GPR26: variants seen among roughly 807,000 people sequenced by gnomAD.
The protein encoded by GPR26 is G protein-coupled receptor 26.
A neutral mutation model predicts 23.1 loss-of-function variants in GPR26; 15 were observed. The ratio of observed to expected loss-of-function variants is 0.65; its 90% confidence interval spans 0.43 to 1.00. The LOEUF (loss-of-function observed/expected upper bound fraction) is 1.00. GPR26 is among the 50% of genes least tolerant of loss of function. The pLI, the probability that GPR26 is intolerant of heterozygous loss-of-function variation, is 0.00. For missense variants in GPR26, 359 were observed against 470.5 expected, an observed-to-expected ratio of 0.76 and a Z score of 2.19; for synonymous variants, 228 against 222.1, an observed-to-expected ratio of 1.03 and a Z score of -0.24.
rs1284396850 is a variant in GPR26 at position 123,692,005 on chromosome 10, C to G, written c.*3845C>G. On this transcript the variant is annotated 3_prime_UTR_variant, in exon 3 of 3. Transcript: ENST00000284674. The stretch of plus-strand genomic sequence containing the variant: ...TTGTCTTGTATCTTTCCCTAATTCT[C>G]CAAACAGTTCAATCTCCAGCTTTAT... 6.6e-6 allele frequency: 1 copy of G among 152,210 alleles called. No homozygotes were observed. The highest frequency in any genetic ancestry group is 1.5e-5 in the Non-Finnish European group (1 of 68,044). The allele number at this position is 152,210 out of a possible 1,614,324, so 9.4% of individuals were successfully genotyped here.
In GPR26 at chr10:123,666,644, C is replaced by A; in HGVS notation, c.237C>A (p.Cys79Ter). Reference sequence around the variant, plus strand: ...GGCAGCCGGCGGGCGACCGCCTGTGCCGCCTGGCTGCCTTCCTCGACACCT... The same window carrying A: ...GGCAGCCGGCGGGCGACCGCCTGTGACGCCTGGCTGCCTTCCTCGACACCT... ...AQRQPAGDRL[C>*]RLAAFLDTFL... The change falls in exon 1 of 3, where the codon TGC (cysteine) becomes TGA (stop). Residue 79 changes from cysteine to a stop codon, truncating the protein, a stop_gained. Coordinates refer to ENST00000284674, the MANE Select transcript of GPR26 (RefSeq NM_153442.4). LOFTEE classifies it high-confidence loss of function. 6.3e-7 allele frequency: 1 copy of A among 1,595,052 alleles called. No individual in the cohort carries two copies. Among genetic ancestry groups the A allele is most frequent in the Non-Finnish European group, 8.5e-7 (1 of 1,175,200 alleles).
At position 123,666,849 on chromosome 10, in the gene GPR26, GGC is replaced by G; in HGVS notation, c.443_444del (p.Gly148ValfsTer189). 1 of 1,610,742 alleles carries G rather than the reference GGC, an allele frequency of 6.2e-7. No individual in the cohort carries two copies. The highest frequency in any genetic ancestry group is 8.5e-7 in the Non-Finnish European group (1 of 1,178,894). ...CGCCGCGCTCGCCCTGTCCTGGCTCGGCTTCCACCAGCTGTACGCCTCGTGCA... is the reference window on the plus strand; with the variant it reads ...CGCCGCGCTCGCCCTGTCCTGGCTCGTTCCACCAGCTGTACGCCTCGTGCA... Reference protein sequence around the residue: ...PAAALALSWLGFHQLYASCTL... With the variant: ...PAAALALSWLXFHQLYASCTL... On this transcript the variant is annotated frameshift_variant, in exon 1 of 3. Coordinates refer to ENST00000284674, the MANE Select transcript of GPR26 (RefSeq NM_153442.4). LOFTEE classifies it high-confidence loss of function.
chr10:123,684,499 A>T (rs1845410701), intron 2 of GPR26, among the ~76,000 whole-genome samples: 1 of 152,178 alleles, frequency 6.6e-6, no homozygotes, highest in Admixed American at 6.5e-5. Context: ...CGGCTCTAAC[A>T]CAGAAAGACC....
intron 1 of GPR26, among the ~76,000 whole-genome samples, chr10:123,672,524 T>C (rs1470074117): frequency 6.6e-6 from 1 of 152,168 alleles, no homozygotes; most frequent in Non-Finnish European, 1.5e-5. Context: ...GCATCAGATC[T>C]CCACCTCAGG....
chr10:123,696,501 C>A lies in GPR26; in HGVS notation c.*8341C>A, dbSNP rs897773921. Among the ~76,000 whole-genome samples the A allele has an allele frequency of 6.6e-6, 1 of 152,096 alleles. No homozygotes were observed. The highest frequency in any genetic ancestry group is 2.4e-5 in the African/African-American group (1 of 41,392). ...ATAGAAGGGAGTCCAGTTAAGGAAA[C>A]CTAAGGTATGTGCCAGCTGGTTTAG... On this transcript the variant is annotated 3_prime_UTR_variant, in exon 3 of 3. Coordinates refer to ENST00000284674, the MANE Select transcript of GPR26 (RefSeq NM_153442.4).
At chr10:123,684,889 C>T (rs1253358909) in intron 2 of GPR26, among the ~76,000 whole-genome samples, 7 of 152,186 alleles carry the variant, frequency 4.6e-5, no homozygotes, top group Non-Finnish European at 1.0e-4. Context: ...TCAATGGGGG[C>T]CATGACAAAA....
At chr10:123,676,796 C>T (rs1845315637) in intron 2 of GPR26, among the ~76,000 whole-genome samples, 1 of 152,214 alleles carries the variant, frequency 6.6e-6, no homozygotes, top group South Asian at 2.1e-4. Context: ...TGCTGTGTGA[C>T]TTTGGGTCAG....
chr10:123,675,015 GC>G, intron 2 of GPR26, 84 bp downstream of exon 2: 1 of 803,930 alleles, frequency 1.2e-6, no homozygotes, highest in Non-Finnish European at 2.1e-6. Flanking sequence ...GCCTCTCTTG[GC>G]CACACGTTCT....
chr10:123,680,180 G>A (rs138588928), intron 2 of GPR26, among the ~76,000 whole-genome samples: 17 of 152,334 alleles, frequency 1.1e-4, no homozygotes, highest in Admixed American at 2.0e-4. Flanking sequence ...ACCCTGTTCC[G>A]AGTCAGATCC....
At chr10:123,687,347 G>A (rs182000377) in intron 2 of GPR26, among the ~76,000 whole-genome samples, 184 of 152,290 alleles carry the variant, frequency 1.2e-3, no homozygotes, top group African/African-American at 4.0e-3. Flanking sequence ...AGCCAGGATC[G>A]GAAGCAAACA....
intron 2 of GPR26, among the ~76,000 whole-genome samples, chr10:123,682,774 A>G (rs576066806): frequency 3.6e-4 from 54 of 151,860 alleles, no homozygotes; most frequent in African/African-American, 1.3e-3. Flanking sequence ...GAGGGGTCTC[A>G]TATGCAGGGG....
chr10:123,666,636 C>T lies in GPR26; in HGVS notation c.229C>T (p.Arg77Cys), dbSNP rs1204946041. 3 of 1,592,130 alleles carry T rather than the reference C, an allele frequency of 1.9e-6. No individual in the cohort carries two copies. The highest frequency in any genetic ancestry group is 8.5e-7 in the Non-Finnish European group (1 of 1,173,898). The change falls in exon 1 of 3, where the codon CGC (arginine) becomes TGC (cysteine). Residue 77 changes from arginine to cysteine, a missense_variant. Arg to Cys is a radical substitution (Grantham distance 180). Coordinates refer to ENST00000284674, the MANE Select transcript of GPR26 (RefSeq NM_153442.4). The part of the protein sequence containing the change: ...VVAQRQPAGD[R>C]LCRLAAFLDT... The stretch of plus-strand genomic sequence containing the variant: ...GGCGCAGCGGCAGCCGGCGGGCGAC[C>T]GCCTGTGCCGCCTGGCTGCCTTCCT...
At chr10:123,675,054 A>G (rs1845289802) in intron 2 of GPR26, 123 bp downstream of exon 2, 1 of 628,150 alleles carries the variant, frequency 1.6e-6, no homozygotes, top group Admixed American at 2.7e-5. Context: ...GGGGGGCAAG[A>G]GTGAACTTGC....
intron 2 of GPR26, among the ~76,000 whole-genome samples, chr10:123,676,406 G>A (rs973343355): frequency 6.6e-6 from 1 of 152,152 alleles, no homozygotes; most frequent in Non-Finnish European, 1.5e-5. Flanking sequence ...CTTATTTGGT[G>A]CCAGGAGCTG....
At chr10:123,673,452 A>G (rs1845273146) in intron 1 of GPR26, among the ~76,000 whole-genome samples, 2 of 152,168 alleles carry the variant, frequency 1.3e-5, no homozygotes, top group African/African-American at 2.4e-5. Flanking sequence ...CTGCCAAGTT[A>G]TCTTCACTTC....
At chr10:123,678,591 C>T (rs1441778524) in intron 2 of GPR26, among the ~76,000 whole-genome samples, 1 of 152,206 alleles carries the variant, frequency 6.6e-6, no homozygotes, top group Non-Finnish European at 1.5e-5. Context: ...AATCACACCC[C>T]TCTTGGAGCC....
At chr10:123,671,781 C>T (rs1216074739) in intron 1 of GPR26, among the ~76,000 whole-genome samples, 1 of 152,174 alleles carries the variant, frequency 6.6e-6, no homozygotes. Flanking sequence ...CTGACTCTGT[C>T]CTGAATTCTC....
chr10:123,668,292 C>T (rs568032293), intron 1 of GPR26, among the ~76,000 whole-genome samples: 3 of 152,258 alleles, frequency 2.0e-5, no homozygotes, highest in South Asian at 2.1e-4. Context: ...TTCACAATGC[C>T]GACACATTGA....
In GPR26 at chr10:123,674,021, G is replaced by A. The variant is rs369491260; in HGVS notation, c.669-797G>A. On this transcript the variant is annotated intron_variant, in intron 1 of 2. Coordinates refer to ENST00000284674, the MANE Select transcript of GPR26 (RefSeq NM_153442.4). This position sits in a 1 kb window ranked among gnomAD's most constrained non-coding sequence, Gnocchi z 4.1. ...TGCCCAGGCTGAAGGGCAATGACAC[G>A]GTCTCAGCTCACTGCAACCTCTGCC... is the stretch of plus-strand genomic sequence containing the variant. 1.3e-5 allele frequency among the ~76,000 whole-genome samples: 2 copies of A among 151,906 alleles called. No homozygotes were observed. The highest frequency in any genetic ancestry group is 4.8e-5 in the African/African-American group (2 of 41,314).
Sources: allele counts gnomAD v4.1 joint callset (sites outside exome capture counted in the v4.1 genomes callset), GRCh38; gene constraint gnomAD v4.1.1; non-coding constraint Gnocchi (gnomAD v3.1); transcripts MANE v1.5; gene names NCBI Gene and HGNC (gene_info 2026-07-23, HGNC 2026-07-21).